Variants in HEXA observed in about 807,000 individuals in gnomAD.
HEXA encodes beta-hexosaminidase subunit alpha.
Under a neutral mutation model 73.3 loss-of-function variants are expected in HEXA, and 54 were observed. The ratio of observed to expected loss-of-function variants is 0.74; its 90% CI spans 0.59 to 0.92. The LOEUF is 0.92. Ranked by LOEUF, HEXA falls within the 40% of genes least tolerant of loss-of-function variation. The probability of loss-of-function intolerance (pLI) is 0.00; values close to 1 mark genes in which losing one functional copy is unlikely to be tolerated. For missense variants in HEXA, 649 were observed against 653.0 expected (o/e 0.99, Z 0.07); for synonymous variants, 230 against 246.9 (o/e 0.93, Z 0.64).
At chr15:72,347,093 A>C (rs2088625492) in intron 10 of HEXA, among the ~76,000 whole-genome samples, 1 of 151,086 alleles carries the variant, frequency 6.6e-6, no homozygotes, top group African/African-American at 2.4e-5. Flanking sequence ...CTGGGATCTT[A>C]CTGATCAACA....
rs1209189473 is a variant in HEXA at position 72,347,723 on chromosome 15, T to C, written c.1109A>G (p.Tyr370Cys). 8.1e-6 allele frequency: 13 copies of C among 1,614,182 alleles called. No individual in the cohort carries two copies. The highest frequency in any genetic ancestry group is 1.7e-5 in the Admixed American group (1 of 60,024). The change falls in exon 10 of 14, where the codon TAT becomes TGT. Residue 370 changes from tyrosine (Y) to cysteine (C), a missense_variant. By Grantham distance (194) the Tyr-to-Cys change is radical (BLOSUM62 -2). Transcript: ENST00000268097. ...ATCAAACACCTCCTGCCACACCACA[T>C]AGCCCTTGCCATAAGAAGAGACGAT... ...LDIVSSYGKGYVVWQEVFDNK... is the reference protein window; with the variant it reads ...LDIVSSYGKGCVVWQEVFDNK...
At position 72,344,085 on chromosome 15, in the gene HEXA, G is replaced by C; in HGVS notation, c.1582C>G (p.Gln528Glu). The change falls in exon 14 of 14, where the codon CAG becomes GAG. Residue 528 changes from glutamine to glutamate, a missense_variant. Transcript: ENST00000268097. ...NVGFCEQEFE[Q>E]T ...TCCTCGGTGCCTGGGGCTCAGGTCTGTTCAAACTCCTGCTCACAGAAGCCT... is the reference window on the plus strand; with the variant it reads ...TCCTCGGTGCCTGGGGCTCAGGTCTCTTCAAACTCCTGCTCACAGAAGCCT... 6.2e-7 allele frequency: 1 copy of C among 1,613,704 alleles called. No individual in the cohort carries two copies. The highest frequency in any genetic ancestry group is 8.5e-7 in the Non-Finnish European group (1 of 1,179,704).
In HEXA at chr15:72,368,790, C is replaced by T. The variant is rs370413377; in HGVS notation, c.253+6930G>A. Among the ~76,000 whole-genome samples, 5 of 152,178 alleles carry T rather than the reference C, an allele frequency of 3.3e-5. No individual in the cohort carries two copies. The East Asian group carries it at 5.8e-4, about 18-fold the overall frequency. ...GACATGGCCTTAGAACTCTGAATCT[C>T]CCCCAACCTAGGACTGCAGCTCCAG... On this transcript the variant is annotated intron_variant, in intron 1 of 13. Coordinates refer to ENST00000268097, the MANE Select transcript of HEXA (RefSeq NM_000520.6).
intron 1 of HEXA, among the ~76,000 whole-genome samples, chr15:72,368,233 G>A (rs1171024013): frequency 6.6e-6 from 1 of 152,206 alleles, no homozygotes; most frequent in Non-Finnish European, 1.5e-5. Flanking sequence ...CCTATTTGAA[G>A]TAATTAACAC....
intron 7 of HEXA, chr15:72,350,250 A>G (rs752259541): frequency 8.5e-6 from 4 of 469,756 alleles, no homozygotes; most frequent in Non-Finnish European, 1.6e-5. Context: ...CAGATTCCTC[A>G]GCATCCACTC....
In HEXA at chr15:72,376,000, G is replaced by A. The variant is rs775040628; in HGVS notation, c.-28C>T. ...CCCGCTGGTCTCCCCTCTCGGAGGG[G>A]GCTGGCCACGTGAGACCCTGGTCAG... On this transcript the variant is annotated 5_prime_UTR_variant, in exon 1 of 14. Coordinates refer to ENST00000268097, the MANE Select transcript of HEXA (RefSeq NM_000520.6). 2.5e-6 allele frequency: 4 copies of A among 1,609,360 alleles called. No individual in the cohort carries two copies. In the Admixed American group the frequency reaches 5.0e-5, roughly 20 times the overall value.
chr15:72,361,809 T>C (rs1448194606), intron 1 of HEXA, among the ~76,000 whole-genome samples: 1 of 152,224 alleles, frequency 6.6e-6, no homozygotes, highest in Non-Finnish European at 1.5e-5. Flanking sequence ...CCTTATAATC[T>C]CTTAACACAT....
Position 72,342,565 on chromosome 15 carries a change from A to C in HEXA, c.*1512T>G, listed in dbSNP as rs1189054063. 1 of 152,184 alleles carries C rather than the reference A, an allele frequency of 6.6e-6. No homozygotes were observed. The highest frequency in any genetic ancestry group is 1.5e-5 in the Non-Finnish European group (1 of 68,066). 9.4% of individuals were successfully genotyped at this position (152,184 alleles called of 1,614,324 possible). ...GCCCCCGCCTCTGGCTTACAGTATC[A>C]CTTCTGCATCTGAAACCAGGAGGGG... On this transcript the variant is annotated 3_prime_UTR_variant, in exon 14 of 14. Transcript: ENST00000268097.
intron 1 of HEXA, among the ~76,000 whole-genome samples, chr15:72,362,725 G>C (rs371362775): frequency 9.9e-5 from 15 of 152,196 alleles, no homozygotes; most frequent in African/African-American, 3.6e-4. Context: ...TCTCTGAGAG[G>C]AAGAACTCGT....
intron 1 of HEXA, among the ~76,000 whole-genome samples, chr15:72,366,080 C>A (rs1271364348): frequency 6.6e-6 from 1 of 152,126 alleles, no homozygotes; most frequent in Non-Finnish European, 1.5e-5. Context: ...CTAACTGAAG[C>A]CTGGCTCTCC....
intron 1 of HEXA, among the ~76,000 whole-genome samples, chr15:72,372,002 A>G (rs909236135): frequency 2.0e-5 from 3 of 152,164 alleles, no homozygotes; most frequent in Non-Finnish European, 4.4e-5. Flanking sequence ...GAACCTTATA[A>G]TATCTATGAT....
intron 1 of HEXA, chr15:72,357,019 G>A (rs940704722): frequency 3.9e-5 from 13 of 334,868 alleles, no homozygotes; most frequent in African/African-American, 6.4e-5. Flanking sequence ...TTACTGGCTG[G>A]TCACTATATA....
rs1424640566 is a variant in HEXA, at chr15:72,375,956, A to G, written c.17T>C (p.Leu6Pro). The change falls in exon 1 of 14, where the codon CTT becomes CCT. Residue 6 changes from leucine (L) to proline (P), a missense_variant. Leu to Pro is a moderately conservative substitution (Grantham distance 98). Coordinates refer to ENST00000268097, the MANE Select transcript of HEXA (RefSeq NM_000520.6). ...TGCCGCCAGCAGCAGCGAAAACCAA[A>G]GCCTGGAGCTTGTCATGGCCCGCTG... MTSSR[L>P]WFSLLLAAAF... 3 of 1,613,684 alleles carry G rather than the reference A, an allele frequency of 1.9e-6. No homozygotes were observed. The highest frequency in any genetic ancestry group is 2.5e-6 in the Non-Finnish European group (3 of 1,179,966).
chr15:72,365,385 C>A (rs562608214), intron 1 of HEXA, among the ~76,000 whole-genome samples: 12 of 152,384 alleles, frequency 7.9e-5, no homozygotes, highest in African/African-American at 2.2e-4. Context: ...AGGCGTGAGC[C>A]ACGGCACCCA....
intron 13 of HEXA, 194 bp downstream of exon 13, chr15:72,345,252 T>C (rs2088593924): frequency 9.5e-7 from 1 of 1,053,076 alleles, no homozygotes; most frequent in Non-Finnish European, 1.4e-6. Context: ...GTATTTTTTA[T>C]TTGTACCATT....
chr15:72,344,948 T>C (rs2088590383), intron 13 of HEXA, among the ~76,000 whole-genome samples: 1 of 152,242 alleles, frequency 6.6e-6, no homozygotes, highest in South Asian at 2.1e-4. Flanking sequence ...TGTGCTTCAG[T>C]GTCTATCTCT....
intron 1 of HEXA, chr15:72,360,415 C>G (rs1218688452): frequency 6.6e-6 from 1 of 152,332 alleles, no homozygotes; most frequent in Non-Finnish European, 1.5e-5. Context: ...TTTCAACTAT[C>G]CCTACCCTCT....
At chr15:72,375,666 C>T in intron 1 of HEXA, 54 bp downstream of exon 1, 2 of 1,608,872 alleles carry the variant, frequency 1.2e-6, no homozygotes, top group Non-Finnish European at 1.7e-6. Context: ...GGGGAACTGT[C>T]CCCAGGCAGG....
intron 3 of HEXA, chr15:72,354,426 C>T (rs1050673050): frequency 6.6e-6 from 1 of 152,224 alleles, no homozygotes; most frequent in Non-Finnish European, 1.5e-5. Flanking sequence ...ACAGCTGGGG[C>T]CCCTCTTCTG....
Sources: gnomAD v4.1 joint callset for allele counts (sites outside exome capture counted in the v4.1 genomes callset) on GRCh38, gnomAD v4.1.1 for gene constraint, MANE v1.5 for transcripts, NCBI Gene and HGNC (gene_info 2026-07-23, HGNC 2026-07-21) for gene names.